The following ARL15 variants were observed in gnomAD, a reference collection of about 807,000 sequenced individuals.
ARL15 encodes the protein ADP-ribosylation factor-like protein 15.
In ARL15, 19 loss-of-function variants were observed where a neutral mutation model predicts 25.2. The ratio of observed to expected loss-of-function variants is 0.75; its 90% CI spans 0.53 to 1.10. ARL15 has a LOEUF of 1.10. Among genes scored for constraint, ARL15 ranks in the 50% least tolerant of loss-of-function variants. The pLI is 0.00. For missense variants in ARL15, 220 were observed against 246.0 expected, an observed-to-expected ratio of 0.89 and a Z score of 0.71; for synonymous variants, 94 against 86.8, an observed-to-expected ratio of 1.08 and a Z score of -0.46.
chr5:53,896,359 T>C (rs1744873694), intron 4 of ARL15, among the ~76,000 whole-genome samples: 1 of 151,730 alleles, frequency 6.6e-6, no homozygotes, highest in Admixed American at 6.6e-5. Context: ...ATACTCTTAA[T>C]GTTAAATCTT....
intron 1 of ARL15, among the ~76,000 whole-genome samples, chr5:54,254,594 T>C (rs1304621330): frequency 6.6e-6 from 1 of 152,220 alleles, no homozygotes. Flanking sequence ...ACCCTCATGA[T>C]GGTTTTATGA....
chr5:54,051,474 T>C (rs1260838800), intron 4 of ARL15, among the ~76,000 whole-genome samples: 5 of 152,204 alleles, frequency 3.3e-5, no homozygotes, highest in Non-Finnish European at 5.9e-5. Flanking sequence ...CAAATATAAA[T>C]TGCAGAGCCT....
At chr5:54,267,450 A>G (rs1157180276) in intron 1 of ARL15, among the ~76,000 whole-genome samples, 2 of 152,208 alleles carry the variant, frequency 1.3e-5, no homozygotes, top group African/African-American at 4.8e-5. Context: ...CTCTGCATTA[A>G]TATTCTGAAG....
intron 4 of ARL15, among the ~76,000 whole-genome samples, chr5:54,030,223 G>A (rs1474517541): frequency 6.6e-6 from 1 of 152,028 alleles, no homozygotes; most frequent in Non-Finnish European, 1.5e-5. Flanking sequence ...AAAAGTACCT[G>A]CTATACGACA....
chr5:53,968,937 C>T (rs1161619567), intron 4 of ARL15, among the ~76,000 whole-genome samples: 1 of 151,652 alleles, frequency 6.6e-6, no homozygotes, highest in Non-Finnish European at 1.5e-5. Flanking sequence ...CACCTGAGGT[C>T]GGGAGTTCGA....
intron 4 of ARL15, among the ~76,000 whole-genome samples, chr5:54,052,368 A>T (rs757868229): frequency 5.9e-5 from 9 of 152,214 alleles, no homozygotes; most frequent in Non-Finnish European, 1.0e-4. Context: ...TACATTGCAT[A>T]CAACAACTTC....
chr5:54,045,222 AACAC>A (rs143199475), intron 4 of ARL15, among the ~76,000 whole-genome samples: 6 of 151,134 alleles, frequency 4.0e-5, no homozygotes, highest in Admixed American at 3.3e-4. Context: ...AATTGGGACA[AACAC>A]ACACACACAC....
chr5:54,125,993 C>T (rs944981669), intron 3 of ARL15, among the ~76,000 whole-genome samples: 7 of 151,964 alleles, frequency 4.6e-5, no homozygotes, highest in Non-Finnish European at 8.8e-5. Context: ...GAGGGTTTGC[C>T]GGGTGCCATG....
At chr5:54,247,438 A>C (rs907215384) in intron 1 of ARL15, among the ~76,000 whole-genome samples, 1 of 152,138 alleles carries the variant, frequency 6.6e-6, no homozygotes, top group African/African-American at 2.4e-5. Flanking sequence ...CCAGAACTAC[A>C]TCCTGCAATT....
At chr5:53,893,396 G>A (rs998533280) in intron 4 of ARL15, among the ~76,000 whole-genome samples, 3 of 152,092 alleles carry the variant, frequency 2.0e-5, no homozygotes, top group African/African-American at 7.2e-5. Flanking sequence ...CATGAGGTCA[G>A]GAGATTGAGA....
At chr5:53,953,443 G>A (rs548700410) in intron 4 of ARL15, among the ~76,000 whole-genome samples, 1 of 152,302 alleles carries the variant, frequency 6.6e-6, no homozygotes, top group African/African-American at 2.4e-5. Context: ...AGTAGATTGA[G>A]TTGTTTGTAT....
intron 4 of ARL15, among the ~76,000 whole-genome samples, chr5:54,021,652 C>T (rs190580039): frequency 3.3e-5 from 5 of 152,218 alleles, no homozygotes; most frequent in African/African-American, 1.2e-4. Flanking sequence ...TCGAAGATTT[C>T]CTTTGTGTCA....
intron 3 of ARL15, among the ~76,000 whole-genome samples, chr5:54,136,995 A>T (rs1579837194): frequency 6.6e-6 from 1 of 151,666 alleles, no homozygotes; most frequent in East Asian, 1.9e-4. Context: ...CCAGCTACAG[A>T]TATTAAAATG....
At chr5:54,136,071 C>G (rs1168338891) in intron 3 of ARL15, among the ~76,000 whole-genome samples, 2 of 152,090 alleles carry the variant, frequency 1.3e-5, no homozygotes, top group African/African-American at 4.8e-5. Flanking sequence ...CCTTGTTATT[C>G]AGGTAAACTG....
chr5:54,050,719 T>TA (rs1398862431), intron 4 of ARL15, among the ~76,000 whole-genome samples: 1 of 152,214 alleles, frequency 6.6e-6, no homozygotes, highest in Non-Finnish European at 1.5e-5. Context: ...ACCATTCTCT[T>TA]ACCCGTGATC....
intron 4 of ARL15, among the ~76,000 whole-genome samples, chr5:53,940,327 T>C (rs1044909428): frequency 7.9e-5 from 12 of 152,114 alleles, no homozygotes; most frequent in African/African-American, 2.7e-4. Flanking sequence ...TTAATTCCCA[T>C]AGGCATGTAG....
chr5:54,051,066 T>C (rs1035250675), intron 4 of ARL15, among the ~76,000 whole-genome samples: 4 of 152,362 alleles, frequency 2.6e-5, no homozygotes, highest in African/African-American at 9.6e-5. Flanking sequence ...TGGCACAGAA[T>C]AGGCACTTGA....
intron 4 of ARL15, among the ~76,000 whole-genome samples, chr5:53,917,110 T>C (rs771091553): frequency 5.2e-4 from 79 of 152,178 alleles, no homozygotes; most frequent in Non-Finnish European, 5.0e-4. Flanking sequence ...CCATTTGTTC[T>C]CTGGAAGGCC....
intron 4 of ARL15, among the ~76,000 whole-genome samples, chr5:54,077,641 TA>T (rs1751654386): frequency 6.6e-6 from 1 of 152,188 alleles, no homozygotes; most frequent in Non-Finnish European, 1.5e-5. Flanking sequence ...ATTACTTAAT[TA>T]ACATGCACAC....
Sources: gnomAD v4.1 joint callset for allele counts (sites outside exome capture counted in the v4.1 genomes callset) on GRCh38, gnomAD v4.1.1 for gene constraint, MANE v1.5 for transcripts, NCBI Gene and HGNC (gene_info 2026-07-23, HGNC 2026-07-21) for gene names.